The following MIS18BP1 variants were observed in gnomAD, a reference collection of about 807,000 sequenced individuals.
The protein encoded by MIS18BP1 is MIS18 binding protein 1.
MIS18BP1 carries 72 observed loss-of-function variants against 116.1 expected under a neutral mutation model. The ratio of observed to expected loss-of-function variants is 0.62; its 90% CI spans 0.51 to 0.75. The LOEUF (loss-of-function observed/expected upper bound fraction) is 0.75, where lower values mean the gene tolerates loss of function less well. Ranked by LOEUF, MIS18BP1 falls within the 30% of genes least tolerant of loss-of-function variation. The probability of loss-of-function intolerance (pLI) is 0.00; values close to 1 mark genes in which losing one functional copy is unlikely to be tolerated. For missense variants in MIS18BP1, 1,363 were observed against 1,303.2 expected (o/e 1.05, Z -0.71); for synonymous variants, 386 against 427.0 (o/e 0.90, Z 1.18).
chr14:45,237,233 G>T (rs1451186058), intron 5 of MIS18BP1, among the ~76,000 whole-genome samples: 3 of 152,114 alleles, frequency 2.0e-5, no homozygotes, highest in African/African-American at 7.2e-5. Context: ...ATATGTAGCC[G>T]TATGGCAAAG....
chr14:45,252,012 C>CTA (rs890350704), intron 1 of MIS18BP1, among the ~76,000 whole-genome samples: 1 of 152,150 alleles, frequency 6.6e-6, no homozygotes, highest in African/African-American at 2.4e-5. Flanking sequence ...ACTATATAAT[C>CTA]TAACAGCAAC....
chr14:45,220,836 G>A (rs1267982079), intron 11 of MIS18BP1, among the ~76,000 whole-genome samples: 1 of 152,040 alleles, frequency 6.6e-6, no homozygotes, highest in Non-Finnish European at 1.5e-5. Flanking sequence ...TTTCATTTTT[G>A]TTCAGTTAAG....
At chr14:45,212,424 C>A (rs1180056324) in intron 13 of MIS18BP1, among the ~76,000 whole-genome samples, 9 of 152,090 alleles carry the variant, frequency 5.9e-5, no homozygotes, top group Admixed American at 5.9e-4. Flanking sequence ...GTTAACTAGT[C>A]AGGGATAAGC....
chr14:45,240,496 A>G (rs1891546047), intron 4 of MIS18BP1, among the ~76,000 whole-genome samples: 1 of 151,676 alleles, frequency 6.6e-6, no homozygotes, highest in Non-Finnish European at 1.5e-5. Context: ...TTCCAGTGTC[A>G]TAGTTTTAAA....
chr14:45,216,968 A>G (rs1448117955), intron 13 of MIS18BP1, 51 bp downstream of exon 13: 1 of 1,568,558 alleles, frequency 6.4e-7, no homozygotes, highest in African/African-American at 1.4e-5. Flanking sequence ...TAAAAATGAA[A>G]GATACAAAAG....
intron 12 of MIS18BP1, among the ~76,000 whole-genome samples, 172 bp from the exon 13 acceptor site, chr14:45,217,351 G>C (rs1261926239): frequency 6.6e-6 from 1 of 152,110 alleles, no homozygotes; most frequent in Non-Finnish European, 1.5e-5. Context: ...ACTTCGGGAG[G>C]CCAAGGCAGG....
chr14:45,232,721 A>C lies in MIS18BP1; in HGVS notation c.1436+12T>G. The C allele has an allele frequency of 1.5e-6, 2 of 1,365,374 alleles. No homozygotes were observed. The highest frequency in any genetic ancestry group is 1.0e-6 in the Non-Finnish European group (1 of 989,794). 84.6% of individuals were successfully genotyped at this position (1,365,374 alleles called of 1,614,324 possible). A position where few individuals can be genotyped will look rare whatever the true frequency, so the allele number is the denominator to read the frequency against. ...TAAAGTTGACTTCTAAAAACATAAAACAACATTTTACCTTAATTGTTCCAG... is the reference window on the plus strand; with the variant it reads ...TAAAGTTGACTTCTAAAAACATAAACCAACATTTTACCTTAATTGTTCCAG... On this transcript the variant is annotated intron_variant, in intron 7 of 16. Coordinates refer to ENST00000310806, the MANE Select transcript of MIS18BP1 (RefSeq NM_018353.5).
At chr14:45,228,071 G>A (rs1242068861) in intron 8 of MIS18BP1, among the ~76,000 whole-genome samples, 4 of 152,152 alleles carry the variant, frequency 2.6e-5, no homozygotes, top group African/African-American at 9.7e-5. Context: ...CCTGAGGTGG[G>A]AGGATCACTT....
At chr14:45,216,673 C>T (rs1890826442) in intron 13 of MIS18BP1, among the ~76,000 whole-genome samples, 1 of 152,192 alleles carries the variant, frequency 6.6e-6, no homozygotes, top group Non-Finnish European at 1.5e-5. Flanking sequence ...TACTGTGCTA[C>T]TATCACTTAA....
chr14:45,235,696 G>T, intron 6 of MIS18BP1, 118 bp downstream of exon 6: 11 of 771,000 alleles, frequency 1.4e-5, no homozygotes, highest in African/African-American at 3.7e-5. Context: ...CAGTTGTTTT[G>T]ATTTATTCAT....
chr14:45,231,278 T>C lies in MIS18BP1; in HGVS notation c.1457A>G (p.Glu486Gly). 6.2e-7 allele frequency: 1 copy of C among 1,605,682 alleles called. No individual in the cohort carries two copies. Among genetic ancestry groups the C allele is most frequent in the Non-Finnish European group, 8.5e-7 (1 of 1,176,558 alleles). Residue 486 changes from glutamate to glycine, a missense_variant, in exon 8 of 17, where the codon GAA (glutamate) becomes GGA (glycine). Physicochemically the swap from Glu to Gly is moderately conservative, Grantham distance 98. Coordinates refer to ENST00000310806, the MANE Select transcript of MIS18BP1 (RefSeq NM_018353.5). ...EQLRAGEKNR[E>G]KTKQKQKTGR... ...AGTTTTCTGTTTTTGTTTGGTCTTT[T>C]CCCTGTTCTTTTCACCAGCCCTTTA... is the stretch of plus-strand genomic sequence containing the variant.
chr14:45,220,153 C>T (rs1890934591), intron 11 of MIS18BP1, among the ~76,000 whole-genome samples: 1 of 151,872 alleles, frequency 6.6e-6, no homozygotes, highest in South Asian at 2.1e-4. Context: ...TGCAGGAGTG[C>T]CGGGCATTAT....
chr14:45,247,084 GT>G lies in MIS18BP1; in HGVS notation c.202del (p.Thr68LeufsTer13). 1 of 1,612,376 alleles carries G rather than the reference GT, an allele frequency of 6.2e-7. No individual in the cohort carries two copies. The highest frequency in any genetic ancestry group is 8.5e-7 in the Non-Finnish European group (1 of 1,179,626). On this transcript the variant is annotated frameshift_variant, in exon 2 of 17. Transcript: ENST00000310806. LOFTEE classifies it high-confidence loss of function. ...TTGAAATATATTTTTATTGTTAAAA[GT>G]TGTCATTTTTAGGAACTGATTCTTT... Reference protein sequence around the residue: ...HKKNQFLKMTTFNNKNIFQST... With the variant: ...HKKNQFLKMTXFNNKNIFQST...
rs530060876 is a variant in MIS18BP1, at chr14:45,235,957, AAT to A, written c.1218-15_1218-14del. 1 of 1,591,240 alleles carries A rather than the reference AAT, an allele frequency of 6.3e-7. No homozygotes were observed. Among genetic ancestry groups the A allele is most frequent in the Non-Finnish European group, 8.5e-7 (1 of 1,171,226 alleles). On this transcript the variant is annotated splice_polypyrimidine_tract_variant and intron_variant, in intron 5 of 16. Coordinates refer to ENST00000310806, the MANE Select transcript of MIS18BP1 (RefSeq NM_018353.5). ...GTTAGTGACGTCTCTAGGAAAAAAA[AAT>A]AGTTTTGGTAAGGTCAAAATATTCA...
intron 1 of MIS18BP1, among the ~76,000 whole-genome samples, chr14:45,252,460 A>G (rs907034873): frequency 4.5e-4 from 68 of 152,258 alleles, no homozygotes; most frequent in African/African-American, 1.4e-3. Flanking sequence ...GAAGCGGTGA[A>G]CCAAATTGTA....
At chr14:45,212,481 C>T (rs757918293) in intron 13 of MIS18BP1, among the ~76,000 whole-genome samples, 3 of 152,100 alleles carry the variant, frequency 2.0e-5, no homozygotes, top group African/African-American at 4.8e-5. Context: ...TGTTGTTAGG[C>T]GACCATCCTG....
chr14:45,204,729 T>C (rs529814882), intron 15 of MIS18BP1, among the ~76,000 whole-genome samples: 8 of 152,214 alleles, frequency 5.3e-5, no homozygotes, highest in Admixed American at 1.3e-4. Context: ...GGATAGTCTA[T>C]GGGCCTCCAA....
chr14:45,227,907 T>G, intron 8 of MIS18BP1, 93 bp from the exon 9 acceptor site: 1 of 1,297,980 alleles, frequency 7.7e-7, no homozygotes, highest in Non-Finnish European at 1.1e-6. Flanking sequence ...CTAGGTGTGG[T>G]GGCTCACGCC....
rs1251846632 is a variant in MIS18BP1, at chr14:45,242,310, A to T, written c.867T>A (p.Ser289Arg). 2 of 1,613,946 alleles carry T rather than the reference A, an allele frequency of 1.2e-6. No homozygotes were observed. Among genetic ancestry groups the T allele is most frequent in the Admixed American group, 3.3e-5 (2 of 60,012 alleles). ...CATTTTTAATAGGAATACAATTAGT[A>T]CTGAGAGTCTCAGCATTAGTATTTT... ...QFQNTNAETL[S>R]TNCIPIKNGS... The change falls in exon 4 of 17, where the codon AGT becomes AGA. Residue 289 changes from serine (S) to arginine (R), a missense_variant. Coordinates refer to ENST00000310806, the MANE Select transcript of MIS18BP1 (RefSeq NM_018353.5).
Sources: gnomAD v4.1 joint callset for allele counts (sites outside exome capture counted in the v4.1 genomes callset) on GRCh38, gnomAD v4.1.1 for gene constraint, MANE v1.5 for transcripts, NCBI Gene and HGNC (gene_info 2026-07-23, HGNC 2026-07-21) for gene names.